NRG3: variants seen among roughly 807,000 people sequenced by gnomAD.
The protein encoded by NRG3 is pro-neuregulin-3, membrane-bound isoform.
Under a neutral mutation model 66.9 loss-of-function variants are expected in NRG3, and 31 were observed. The observed-to-expected ratio is 0.46, with a 90% CI of 0.35 to 0.63. The LOEUF is 0.63. Ranked by LOEUF, NRG3 falls within the 20% of genes least tolerant of loss-of-function variation. The probability of loss-of-function intolerance (pLI) is 0.00; values close to 1 mark genes in which losing one functional copy is unlikely to be tolerated. For synonymous variants in NRG3, 393 were observed against 359.4 expected (o/e 1.09, Z -1.06); for missense variants, 910 against 878.9 (o/e 1.04, Z -0.45).
intron 3 of NRG3, among the ~76,000 whole-genome samples, chr10:82,826,368 A>G (rs1020353220): frequency 6.6e-6 from 1 of 152,210 alleles, no homozygotes; most frequent in African/African-American, 2.4e-5. Context: ...ATGTTTTCCA[A>G]TGTGGCTCAA....
chr10:82,393,360 T>C (rs142564726), intron 2 of NRG3, among the ~76,000 whole-genome samples: 1 of 152,266 alleles, frequency 6.6e-6, no homozygotes, highest in African/African-American at 2.4e-5. Flanking sequence ...GTAATTTGCA[T>C]GGGGTCCAGG....
intron 1 of NRG3, among the ~76,000 whole-genome samples, chr10:82,257,096 A>G (rs1398285623): frequency 2.6e-5 from 4 of 152,342 alleles, no homozygotes; most frequent in African/African-American, 7.2e-5. Context: ...ATAGTCTTAA[A>G]TTCTCAAAAG....
intron 1 of NRG3, among the ~76,000 whole-genome samples, chr10:82,097,253 T>G (rs2066401497): frequency 6.6e-6 from 1 of 151,778 alleles, no homozygotes. Flanking sequence ...TCCTTTCATT[T>G]ATTAATATGT....
In NRG3 at chr10:81,942,461, A is replaced by G. The variant is rs184892826; in HGVS notation, c.823+66298A>G. Among the ~76,000 whole-genome samples, 341 of 152,246 alleles carry G rather than the reference A, an allele frequency of 2.2e-3. 1 individual carries two copies. The highest frequency in any genetic ancestry group is 0.01 in the Middle Eastern group (3 of 292). On this transcript the variant is annotated intron_variant, in intron 1 of 8. Coordinates refer to ENST00000372141, the MANE Select transcript of NRG3 (RefSeq NM_001010848.4). ...TTCCAAAATAATACACCCCCTCTAT[A>G]ATTAGGTGGAGAAAACAACTGTTAT...
In NRG3 at chr10:82,360,611, ATTC is replaced by A. The variant is rs1259380413; in HGVS notation, c.953+1747_953+1749del. 2.6e-5 allele frequency among the ~76,000 whole-genome samples: 4 copies of A among 152,300 alleles called. No homozygotes were observed. The East Asian group carries it at 5.8e-4, about 22-fold the overall frequency. On this transcript the variant is annotated intron_variant, in intron 2 of 8. Transcript: ENST00000372141. Reference sequence around the variant, plus strand: ...CTTTTTCTGCATATGGCTATGCTGTATTCTTCATTACTTCATGAGTGTATGAAT... The same window carrying A: ...CTTTTTCTGCATATGGCTATGCTGTATTCATTACTTCATGAGTGTATGAAT...
intron 2 of NRG3, among the ~76,000 whole-genome samples, chr10:82,590,301 T>C (rs1324241278): frequency 6.6e-6 from 1 of 152,170 alleles, no homozygotes; most frequent in Non-Finnish European, 1.5e-5. Context: ...TGTACAGAGT[T>C]CATGTCTCTG....
intron 4 of NRG3, among the ~76,000 whole-genome samples, chr10:82,910,712 A>G (rs985286434): frequency 2.0e-5 from 3 of 152,234 alleles, no homozygotes; most frequent in Non-Finnish European, 4.4e-5. Flanking sequence ...TCCCCCAAAT[A>G]TGACTTCATT....
At chr10:81,937,602 T>C (rs2133062302) in intron 1 of NRG3, among the ~76,000 whole-genome samples, 1 of 152,264 alleles carries the variant, frequency 6.6e-6, no homozygotes, top group African/African-American at 2.4e-5. Flanking sequence ...TATGGAGTTA[T>C]TTTGTTGTTG....
intron 2 of NRG3, among the ~76,000 whole-genome samples, chr10:82,610,907 C>T (rs1457984635): frequency 5.9e-5 from 9 of 152,012 alleles, no homozygotes; most frequent in Non-Finnish European, 1.5e-5. Flanking sequence ...AATATTTTAA[C>T]CAAATCTATA....
intron 3 of NRG3, among the ~76,000 whole-genome samples, chr10:82,764,090 A>G (rs936752742): frequency 6.6e-6 from 1 of 152,052 alleles, no homozygotes; most frequent in Admixed American, 6.6e-5. Flanking sequence ...CCTGAAGTAC[A>G]GTGGAGTGGT....
At chr10:82,719,193 T>C (rs910984443) in intron 2 of NRG3, among the ~76,000 whole-genome samples, 5 of 152,198 alleles carry the variant, frequency 3.3e-5, no homozygotes, top group African/African-American at 1.2e-4. Flanking sequence ...TGAGAGTGTT[T>C]GTGGTGGAGG....
intron 1 of NRG3, among the ~76,000 whole-genome samples, chr10:81,961,707 T>A (rs1274938274): frequency 6.6e-6 from 1 of 152,270 alleles, no homozygotes; most frequent in Non-Finnish European, 1.5e-5. Flanking sequence ...CAGCTGTTCT[T>A]TGTAAAAGGT....
chr10:82,453,734 T>G (rs1052411369), intron 2 of NRG3, among the ~76,000 whole-genome samples: 59 of 152,130 alleles, frequency 3.9e-4, no homozygotes, highest in African/African-American at 1.4e-3. Flanking sequence ...ACCAGTTGCA[T>G]AGATCTCGGT....
At chr10:82,253,818 C>T (rs2077591606) in intron 1 of NRG3, among the ~76,000 whole-genome samples, 1 of 152,184 alleles carries the variant, frequency 6.6e-6, no homozygotes, top group Non-Finnish European at 1.5e-5. Flanking sequence ...CTGGCTGTGC[C>T]TAAACCTCAC....
chr10:82,345,495 T>C (rs1402327791), intron 1 of NRG3, among the ~76,000 whole-genome samples: 5 of 151,736 alleles, frequency 3.3e-5, no homozygotes, highest in South Asian at 2.1e-4. Context: ...AGTCAGGTAG[T>C]GTGATGCCTC....
chr10:81,975,750 A>G (rs2060101664), intron 1 of NRG3, among the ~76,000 whole-genome samples: 1 of 152,176 alleles, frequency 6.6e-6, no homozygotes, highest in Non-Finnish European at 1.5e-5. Context: ...TTACATGTCA[A>G]GGGAAAATTA....
chr10:82,869,887 C>T (rs534177604), intron 4 of NRG3, among the ~76,000 whole-genome samples: 12 of 151,734 alleles, frequency 7.9e-5, no homozygotes, highest in Admixed American at 2.0e-4. Flanking sequence ...GGATTACAGG[C>T]GTGAGCCACC....
At chr10:82,334,942 A>ACATG (rs2082314890) in intron 1 of NRG3, among the ~76,000 whole-genome samples, 1 of 152,246 alleles carries the variant, frequency 6.6e-6, no homozygotes, top group African/African-American at 2.4e-5. Flanking sequence ...ATTACACACT[A>ACATG]CATGTTGTTA....
chr10:82,109,865 G>A (rs1409147070), intron 1 of NRG3, among the ~76,000 whole-genome samples: 7 of 152,118 alleles, frequency 4.6e-5, no homozygotes, highest in South Asian at 2.1e-4. Flanking sequence ...GACCAAGATC[G>A]TGCAGCTTGT....
Sources: allele counts gnomAD v4.1 joint callset (sites outside exome capture counted in the v4.1 genomes callset), GRCh38; gene constraint gnomAD v4.1.1; transcripts MANE v1.5; gene names NCBI Gene and HGNC (gene_info 2026-07-23, HGNC 2026-07-21).